The following GEM variants were observed in gnomAD, a reference collection of about 807,000 sequenced individuals.
GEM encodes the protein GTP binding protein overexpressed in skeletal muscle, also known as GTP-binding protein GEM.
In GEM, 31 loss-of-function variants were observed where a neutral mutation model predicts 33.0. The ratio of observed to expected loss-of-function variants is 0.94; its 90% CI spans 0.71 to 1.27. GEM has a LOEUF of 1.27. GEM is among the 50% of genes most tolerant of loss of function. The pLI, the probability that GEM is intolerant of heterozygous loss-of-function variation, is 0.00. For missense variants in GEM, 354 were observed against 390.5 expected, an observed-to-expected ratio of 0.91 and a Z score of 0.79; for synonymous variants, 141 against 143.7, an observed-to-expected ratio of 0.98 and a Z score of 0.13.
rs529031444 is a variant in GEM at position 94,253,363 on chromosome 8, A to G, written c.332-251T>C. Among the ~76,000 whole-genome samples, 46 of 152,330 alleles carry G rather than the reference A, an allele frequency of 3.0e-4. No homozygotes were observed. In the South Asian group the frequency reaches 4.1e-3, roughly 14 times the overall value. The stretch of plus-strand genomic sequence containing the variant: ...TGTGTCACTAAACCACATGGAGTAA[A>G]AGGCATTTGTTTGCATCATTCCTGG... On this transcript the variant is annotated intron_variant, in intron 2 of 4. Transcript: ENST00000297596.
At chr8:94,258,261 C>T (rs1808938861) in intron 2 of GEM, among the ~76,000 whole-genome samples, 1 of 151,996 alleles carries the variant, frequency 6.6e-6, no homozygotes, top group Non-Finnish European at 1.5e-5. Flanking sequence ...TATCCACTAA[C>T]TTTTTTCAAT....
intron 2 of GEM, among the ~76,000 whole-genome samples, chr8:94,258,633 T>G (rs1236222448): frequency 6.6e-6 from 1 of 152,232 alleles, no homozygotes; most frequent in Non-Finnish European, 1.5e-5. Flanking sequence ...GAAAGTCACT[T>G]GACTTTGTAA....
At position 94,252,220 on chromosome 8, in the gene GEM, C is replaced by A; in HGVS notation, c.412G>T (p.Glu138Ter). The A allele has an allele frequency of 6.2e-7, 1 of 1,600,380 alleles. No individual in the cohort carries two copies. Among genetic ancestry groups the A allele is most frequent in the African/African-American group, 1.3e-5 (1 of 74,758 alleles). ...ILLDMWENKGENEWLHDHCMQ... is the reference protein window; with the variant it reads ...ILLDMWENKG ...CAGTGGTCATGGAGCCATTCATTTT[C>A]CCCCTAATGAAACAATAAGATCTTC... The change falls in exon 4 of 5, where the codon GAA becomes TAA. Residue 138 changes from glutamate (E) to a stop codon, truncating the protein, a stop_gained. Coordinates refer to ENST00000297596, the MANE Select transcript of GEM (RefSeq NM_005261.4). LOFTEE classifies it high-confidence loss of function.
intron 4 of GEM, 130 bp downstream of exon 4, chr8:94,251,889 C>T (rs1808776816): frequency 1.4e-6 from 1 of 706,922 alleles, no homozygotes; most frequent in Admixed American, 2.2e-5. Context: ...AGAAACACAC[C>T]TAAAATTTCA....
In GEM at chr8:94,253,105, T is replaced by G. The variant is rs933690241; in HGVS notation, c.339A>C (p.Thr113=). 1 of 1,566,952 alleles carries G rather than the reference T, an allele frequency of 6.4e-7. No individual in the cohort carries two copies. Residue 113 remains threonine, a synonymous_variant, in exon 3 of 5, where the codon ACA becomes ACC. Transcript: ENST00000297596. ...DSDCEVLGED[T]YERTLMVDGE... The stretch of plus-strand genomic sequence containing the variant: ...CATCAACCATCAGGGTTCGTTCATA[T>G]GTATCTTCTAGAGAAGAAAGAACAA...
At chr8:94,258,413 T>C (rs1030308401) in intron 2 of GEM, among the ~76,000 whole-genome samples, 1 of 152,166 alleles carries the variant, frequency 6.6e-6, no homozygotes, top group African/African-American at 2.4e-5. Flanking sequence ...AGCTCATTAC[T>C]AGGGGGCATG....
Position 94,249,922 on chromosome 8 carries a change from T to G in GEM, c.*388A>C, listed in dbSNP as rs891252832. Reference sequence around the variant, plus strand: ...AAACTCATTGACAGCTTTCTTATATTTGTTTATGACTCATTGGCCTCAAAG... The same window carrying G: ...AAACTCATTGACAGCTTTCTTATATGTGTTTATGACTCATTGGCCTCAAAG... On this transcript the variant is annotated 3_prime_UTR_variant, in exon 5 of 5. Transcript: ENST00000297596. The G allele has an allele frequency of 6.1e-6, 1 of 163,344 alleles. No homozygotes were observed. The highest frequency in any genetic ancestry group is 1.8e-4 in the East Asian group (1 of 5,582). The allele number at this position is 163,344 out of a possible 1,614,324, so 10.1% of individuals were successfully genotyped here.
chr8:94,259,286 T>G (rs1051960752), intron 2 of GEM, among the ~76,000 whole-genome samples: 1 of 152,168 alleles, frequency 6.6e-6, no homozygotes, highest in Non-Finnish European at 1.5e-5. Context: ...CTAAGACACC[T>G]CCCTACTCTG....
chr8:94,251,954 G>A (rs1481839129), intron 4 of GEM, 65 bp downstream of exon 4: 26 of 1,216,900 alleles, frequency 2.1e-5, no homozygotes, highest in East Asian at 1.9e-4. Flanking sequence ...GGAAGAACCC[G>A]TGTCTGAAGG....
At chr8:94,252,754 G>T (rs1415103873) in intron 3 of GEM, among the ~76,000 whole-genome samples, 1 of 152,168 alleles carries the variant, frequency 6.6e-6, no homozygotes, top group African/African-American at 2.4e-5. Context: ...TAAAATAACA[G>T]TCAATGCCTG....
chr8:94,257,642 G>C (rs1394908198), intron 2 of GEM, among the ~76,000 whole-genome samples: 1 of 152,140 alleles, frequency 6.6e-6, no homozygotes, highest in Non-Finnish European at 1.5e-5. Flanking sequence ...CATCTCCGCA[G>C]AAGAAGCCCC....
chr8:94,250,629 G>A, intron 4 of GEM, 42 bp from the exon 5 acceptor site: 1 of 1,524,242 alleles, frequency 6.6e-7, no homozygotes, highest in Non-Finnish European at 9.0e-7. Flanking sequence ...GCAGAGCACA[G>A]TCCCACATAG....
chr8:94,257,457 C>G (rs1264862258), intron 2 of GEM, among the ~76,000 whole-genome samples: 1 of 152,208 alleles, frequency 6.6e-6, no homozygotes, highest in Admixed American at 6.5e-5. Context: ...GTTGGGATTA[C>G]AGGCATGAGC....
rs1394403998 is a variant in GEM, at chr8:94,262,193, CG to C, written c.-114del. Reference sequence around the variant, plus strand: ...ACTCTCTCCCTTCTCCGTCTCGGGCCGTCCCCCTTACTTGGCTCGGCCGGAT... The same window carrying C: ...ACTCTCTCCCTTCTCCGTCTCGGGCCTCCCCCTTACTTGGCTCGGCCGGAT... On this transcript the variant is annotated 5_prime_UTR_variant, in exon 1 of 5. Coordinates refer to ENST00000297596, the MANE Select transcript of GEM (RefSeq NM_005261.4). The C allele has an allele frequency of 1.3e-5, 2 of 152,306 alleles. No homozygotes were observed. The highest frequency in any genetic ancestry group is 2.9e-5 in the Non-Finnish European group (2 of 68,090). The allele number at this position is 152,306 out of a possible 1,614,324, so 9.4% of individuals were successfully genotyped here.
intron 2 of GEM, among the ~76,000 whole-genome samples, chr8:94,257,857 G>C (rs1808927345): frequency 6.7e-6 from 1 of 150,062 alleles, no homozygotes; most frequent in Non-Finnish European, 1.5e-5. Context: ...TACAGTGAAT[G>C]CTGATTTAAA....
chr8:94,250,074 T>C lies in GEM; in HGVS notation c.*236A>G, dbSNP rs528039915. On this transcript the variant is annotated 3_prime_UTR_variant, in exon 5 of 5. Coordinates refer to ENST00000297596, the MANE Select transcript of GEM (RefSeq NM_005261.4). ...ACATGTGAACACCAAACACATCCTC[T>C]AAAGAGTCTTGGGTGTTCAAATAGC... 2 of 520,876 alleles carry C rather than the reference T, an allele frequency of 3.8e-6. No individual in the cohort carries two copies. The highest frequency in any genetic ancestry group is 6.7e-6 in the Non-Finnish European group (2 of 297,776). The allele number at this position is 520,876 out of a possible 1,614,324, so 32.3% of individuals were successfully genotyped here.
chr8:94,250,258 C>T lies in GEM; in HGVS notation c.*52G>A. The T allele has an allele frequency of 6.4e-6, 9 of 1,417,316 alleles. No homozygotes were observed. The highest frequency in any genetic ancestry group is 7.8e-6 in the Non-Finnish European group (8 of 1,020,592). The allele number at this position is 1,417,316 out of a possible 1,614,324, so 87.8% of individuals were successfully genotyped here. Reference sequence around the variant, plus strand: ...TCAATCTAATATAGATTATTGGTCCCAATGGCCTTCAACAACGGCCATCAA... The same window carrying T: ...TCAATCTAATATAGATTATTGGTCCTAATGGCCTTCAACAACGGCCATCAA... On this transcript the variant is annotated 3_prime_UTR_variant, in exon 5 of 5. Coordinates refer to ENST00000297596, the MANE Select transcript of GEM (RefSeq NM_005261.4).
chr8:94,259,583 CAATA>C (rs753530237), intron 2 of GEM, among the ~76,000 whole-genome samples: 5 of 152,164 alleles, frequency 3.3e-5, no homozygotes, highest in Non-Finnish European at 7.4e-5. Flanking sequence ...AGGCTCCAAT[CAATA>C]AATAGATGAA....
rs1311447168 is a variant in GEM at position 94,260,247 on chromosome 8, AC to A, written c.256del (p.Val86TrpfsTer33). On this transcript the variant is annotated frameshift_variant, in exon 2 of 5. Coordinates refer to ENST00000297596, the MANE Select transcript of GEM (RefSeq NM_005261.4). LOFTEE classifies it high-confidence loss of function. ...GATGTTGGCCAGAGTGGACTTGCCCACCCCCTGCTCCCCTATGAGCACCACT... is the reference window on the plus strand; with the variant it reads ...GATGTTGGCCAGAGTGGACTTGCCCACCCCTGCTCCCCTATGAGCACCACT... ...YRVVLIGEQG[V>X]GKSTLANIFA... is the part of the protein sequence containing the mutation. The A allele has an allele frequency of 6.2e-7, 1 of 1,613,372 alleles. No individual in the cohort carries two copies. The highest frequency in any genetic ancestry group is 2.2e-5 in the East Asian group (1 of 44,846).
Sources: gnomAD v4.1 joint callset for allele counts (sites outside exome capture counted in the v4.1 genomes callset) on GRCh38, gnomAD v4.1.1 for gene constraint, MANE v1.5 for transcripts, NCBI Gene and HGNC (gene_info 2026-07-23, HGNC 2026-07-21) for gene names.